TENM2: variants seen among roughly 807,000 people sequenced by gnomAD.
TENM2 encodes teneurin transmembrane protein 2, also known as teneurin-2.
Under a neutral mutation model 245.2 loss-of-function variants are expected in TENM2, and 52 were observed. The ratio of observed to expected loss-of-function variants is 0.21; its 90% CI spans 0.17 to 0.27. The LOEUF is 0.27. TENM2 is among the 10% of genes least tolerant of loss of function. TENM2 has a pLI of 1.00. For synonymous variants in TENM2, 1,363 were observed against 1,438.9 expected (o/e 0.95, Z 1.19); for missense variants, 3,046 against 3,666.8 (o/e 0.83, Z 4.37).
chr5:168,184,429 T>C (rs905674195), intron 13 of TENM2, among the ~76,000 whole-genome samples: 4 of 152,146 alleles, frequency 2.6e-5, no homozygotes, highest in African/African-American at 9.7e-5. Flanking sequence ...GAAAAGTAAA[T>C]GTAGGTGTTC....
At chr5:168,201,730 G>T (rs964645328) in intron 17 of TENM2, among the ~76,000 whole-genome samples, 1 of 151,974 alleles carries the variant, frequency 6.6e-6, no homozygotes, top group Non-Finnish European at 1.5e-5. Flanking sequence ...TTTTGCAATT[G>T]GTTGATTTCT....
the TENM2 span, among the ~76,000 whole-genome samples, chr5:167,247,964 T>TA: frequency 2.0e-5 from 3 of 152,000 alleles, no homozygotes; most frequent in Non-Finnish European, 4.4e-5. Flanking sequence ...GTGAAATGCT[T>TA]AAAAAAATGG....
At chr5:167,098,959 C>T in the TENM2 span, among the ~76,000 whole-genome samples, 1 of 152,114 alleles carries the variant, frequency 6.6e-6, no homozygotes, top group African/African-American at 2.4e-5. Context: ...GCAGCCAGGG[C>T]CATGGAATCT....
intron 19 of TENM2, 44 bp downstream of exon 21, chr5:168,204,665 C>A (rs747181714): frequency 2.5e-6 from 4 of 1,599,138 alleles, no homozygotes; most frequent in African/African-American, 1.3e-5. Flanking sequence ...TCTTGCCCCC[C>A]ATAACTCCTG....
chr5:167,803,223 G>C (rs1765911538), intron 2 of TENM2, among the ~76,000 whole-genome samples: 1 of 152,090 alleles, frequency 6.6e-6, no homozygotes. Context: ...GAAACAGAGG[G>C]GTAAAGAATG....
chr5:167,317,120 G>A (rs536969655), intron 1 of TENM2, among the ~76,000 whole-genome samples: 33 of 151,974 alleles, frequency 2.2e-4, no homozygotes, highest in African/African-American at 7.7e-4. Flanking sequence ...ACCAGTAGAC[G>A]TCCCTAATTT....
chr5:167,483,394 C>A (rs1174960446), intron 2 of TENM2, among the ~76,000 whole-genome samples: 1 of 152,000 alleles, frequency 6.6e-6, no homozygotes, highest in Non-Finnish European at 1.5e-5. Context: ...CATGCAGAAA[C>A]GCTGATTAAA....
At chr5:167,597,149 TC>T (rs1328498828) in intron 2 of TENM2, among the ~76,000 whole-genome samples, 1 of 121,424 alleles carries the variant, frequency 8.2e-6, no homozygotes, top group Non-Finnish European at 1.7e-5. Flanking sequence ...ATATTTCTTT[TC>T]TTTTCTTTTC....
At chr5:168,177,813 G>A (rs1198750809) in intron 13 of TENM2, among the ~76,000 whole-genome samples, 1 of 152,088 alleles carries the variant, frequency 6.6e-6, no homozygotes, top group East Asian at 1.9e-4. Flanking sequence ...CTGCAGCCTG[G>A]GTAACAGCAC....
chr5:167,481,286 A>G (rs905712699), intron 2 of TENM2, among the ~76,000 whole-genome samples: 4 of 152,234 alleles, frequency 2.6e-5, no homozygotes, highest in African/African-American at 4.8e-5. Context: ...GTTCCTGTAC[A>G]GTCCATGAGC....
intron 2 of TENM2, among the ~76,000 whole-genome samples, chr5:167,486,047 A>G (rs536633774): frequency 2.6e-5 from 4 of 152,248 alleles, no homozygotes; most frequent in African/African-American, 9.6e-5. Context: ...CTTTTCTGTA[A>G]GGTATTCTCC....
intron 2 of TENM2, among the ~76,000 whole-genome samples, chr5:167,438,995 T>C (rs1175266163): frequency 2.6e-5 from 4 of 151,708 alleles, no homozygotes; most frequent in African/African-American, 9.7e-5. Context: ...CGTTTCACTA[T>C]GTTAGCCAGG....
At chr5:167,181,337 C>G in the TENM2 span, among the ~76,000 whole-genome samples, 1 of 152,016 alleles carries the variant, frequency 6.6e-6, no homozygotes, top group Non-Finnish European at 1.5e-5. Context: ...CTTCTTCCTT[C>G]TCACCCTTTC....
At chr5:167,505,227 A>G (rs561335377) in intron 2 of TENM2, among the ~76,000 whole-genome samples, 34 of 152,276 alleles carry the variant, frequency 2.2e-4, no homozygotes, top group Middle Eastern at 3.4e-3. Flanking sequence ...CGATGTTATC[A>G]TTTTCTTGGT....
intron 7 of TENM2, among the ~76,000 whole-genome samples, chr5:168,073,661 C>T (rs942994055): frequency 2.6e-5 from 4 of 152,186 alleles, no homozygotes; most frequent in Non-Finnish European, 5.9e-5. Flanking sequence ...TACATAAAAG[C>T]CCTCAAGCTA....
In TENM2 at chr5:167,638,864, T is replaced by A. The variant is rs186681080; in HGVS notation, c.503-237122T>A. Among the ~76,000 whole-genome samples, 24 of 152,340 alleles carry A rather than the reference T, an allele frequency of 1.6e-4. No individual in the cohort carries two copies. The East Asian group carries it at 4.4e-3, about 28-fold the overall frequency. On this transcript the variant is annotated intron_variant, in intron 2 of 28. Coordinates refer to ENST00000518659, the Ensembl canonical transcript of TENM2. ...GTATAATGAGGAGATCTGTAGTTAC[T>A]CTAAGTAATCGCTGAAAAGAATTGC...
intron 12 of TENM2, among the ~76,000 whole-genome samples, chr5:168,141,921 T>C (rs902864117): frequency 4.6e-5 from 7 of 152,332 alleles, no homozygotes; most frequent in Admixed American, 3.9e-4. Flanking sequence ...ATTTCTATTT[T>C]GGAGCGATTG....
At chr5:167,680,751 A>G (rs141010121) in intron 2 of TENM2, among the ~76,000 whole-genome samples, 416 of 152,286 alleles carry the variant, frequency 2.7e-3, no homozygotes, top group African/African-American at 9.6e-3. Flanking sequence ...AAAAACATCT[A>G]TCTACCACGC....
the TENM2 span, among the ~76,000 whole-genome samples, chr5:167,113,386 A>G: frequency 6.6e-6 from 1 of 152,192 alleles, no homozygotes; most frequent in Non-Finnish European, 1.5e-5. Context: ...CACACCTGTA[A>G]TAGCAGCACT....
Sources: allele counts gnomAD v4.1 joint callset (sites outside exome capture counted in the v4.1 genomes callset), GRCh38; gene constraint gnomAD v4.1.1; transcripts MANE v1.5; gene names NCBI Gene and HGNC (gene_info 2026-07-23, HGNC 2026-07-21).